The following PRELID2 variants were observed in gnomAD, a reference collection of about 807,000 sequenced individuals.
The protein encoded by PRELID2 is PRELI domain-containing protein 2.
In PRELID2, 25 loss-of-function variants were observed where a neutral mutation model predicts 28.4. That is an observed-to-expected ratio of 0.88 (90% CI 0.64 to 1.23). The LOEUF is 1.23. Among genes scored for constraint, PRELID2 ranks in the 50% most tolerant of loss-of-function variants. The probability of loss-of-function intolerance (pLI) is 0.00; values close to 1 mark genes in which losing one functional copy is unlikely to be tolerated. For missense variants in PRELID2, 201 were observed against 214.4 expected (o/e 0.94, Z 0.39); for synonymous variants, 76 against 71.6 (o/e 1.06, Z -0.31).
chr5:145,587,337 G>T (rs535688754), intron 1 of PRELID2, among the ~76,000 whole-genome samples: 2 of 152,208 alleles, frequency 1.3e-5, no homozygotes, highest in African/African-American at 4.8e-5. Flanking sequence ...TATCCTTTGT[G>T]GCAAAGCAGT....
At chr5:145,431,006 GTTTTTT>G in the PRELID2 span, among the ~76,000 whole-genome samples, 69 of 55,562 alleles carry the variant, frequency 1.2e-3, 1 homozygote, top group African/African-American at 4.0e-3. Context: ...CCTGGCAATG[GTTTTTT>G]TTTTTTTTTT....
intron 1 of PRELID2, among the ~76,000 whole-genome samples, chr5:145,491,628 G>A (rs980672122): frequency 5.3e-5 from 8 of 151,640 alleles, no homozygotes; most frequent in African/African-American, 1.2e-4. Context: ...TTATCATATT[G>A]TACAATAGAT....
chr5:145,823,832 G>A (rs771076576), intron 1 of PRELID2, among the ~76,000 whole-genome samples: 5 of 152,164 alleles, frequency 3.3e-5, no homozygotes, highest in Non-Finnish European at 5.9e-5. Context: ...CACTGCTTTT[G>A]TCGTAGGCAA....
chr5:145,351,637 C>T, the PRELID2 span, among the ~76,000 whole-genome samples: 1 of 152,132 alleles, frequency 6.6e-6, no homozygotes, highest in African/African-American at 2.4e-5. Context: ...AAAACACAAT[C>T]ATGCCTTTCC....
intron 1 of PRELID2, among the ~76,000 whole-genome samples, chr5:145,537,747 T>G (rs1752712002): frequency 6.6e-6 from 1 of 151,768 alleles, no homozygotes; most frequent in Non-Finnish European, 1.5e-5. Flanking sequence ...AACCCCTAGT[T>G]AGATGTATAG....
chr5:145,724,488 G>T (rs988317118), intron 1 of PRELID2, among the ~76,000 whole-genome samples: 3 of 149,620 alleles, frequency 2.0e-5, no homozygotes, highest in Admixed American at 6.7e-5. Flanking sequence ...CATAGATAAT[G>T]GATTAGATAA....
At chr5:145,675,309 TAATAA>T (rs71858927) in intron 1 of PRELID2, among the ~76,000 whole-genome samples, 4,567 of 152,172 alleles carry the variant, frequency 0.03, 208 homozygotes, top group African/African-American at 0.1. Context: ...ATCTTACTAA[TAATAA>T]AATAAATGCA....
intron 1 of PRELID2, among the ~76,000 whole-genome samples, chr5:145,584,615 G>C (rs563057152): frequency 2.1e-4 from 32 of 151,324 alleles, no homozygotes; most frequent in Non-Finnish European, 4.6e-4. Flanking sequence ...CCACTAAAAA[G>C]TGGGCAAAGG....
intron 1 of PRELID2, among the ~76,000 whole-genome samples, chr5:145,701,545 C>G (rs1004091543): frequency 4.6e-5 from 7 of 152,138 alleles, no homozygotes; most frequent in African/African-American, 1.7e-4. Flanking sequence ...AACAAATGAG[C>G]AAAGAGGTTG....
intron 1 of PRELID2, among the ~76,000 whole-genome samples, chr5:145,587,140 A>T (rs1387384504): frequency 6.6e-6 from 1 of 152,178 alleles, no homozygotes; most frequent in East Asian, 1.9e-4. Context: ...GCATCAAGCC[A>T]GGGAACATCT....
At chr5:145,404,131 G>C in the PRELID2 span, among the ~76,000 whole-genome samples, 1 of 152,262 alleles carries the variant, frequency 6.6e-6, no homozygotes, top group East Asian at 1.9e-4. Context: ...TAAATTAAGC[G>C]TAACATTCTC....
At chr5:145,710,000 TA>T (rs1156445153) in intron 1 of PRELID2, among the ~76,000 whole-genome samples, 2 of 152,198 alleles carry the variant, frequency 1.3e-5, no homozygotes, top group African/African-American at 4.8e-5. Context: ...TGGGGTTTTT[TA>T]AATTGCTTTT....
chr5:145,754,991 A>G (rs1305581707), downstream of PRELID2, among the ~76,000 whole-genome samples: 2 of 152,184 alleles, frequency 1.3e-5, no homozygotes, highest in African/African-American at 4.8e-5. Context: ...AAATCATTGC[A>G]CCCAGATCAG....
At chr5:145,657,450 C>G (rs573750013) in intron 1 of PRELID2, among the ~76,000 whole-genome samples, 1 of 152,260 alleles carries the variant, frequency 6.6e-6, no homozygotes, top group Non-Finnish European at 1.5e-5. Flanking sequence ...CTTTGGGAGG[C>G]TGAGGCGGGC....
chr5:145,481,623 C>CAAAAAAAAAAAAAAAAAAAAAAAGAAA (rs1752160492), intron 1 of PRELID2, among the ~76,000 whole-genome samples: 1 of 41,862 alleles, frequency 2.4e-5, no homozygotes. Flanking sequence ...GCAAGGAAAT[C>CAAAAAAAAAAAAAAAAAAAAAAAGAAA]AAAAAAAAAA....
intron 1 of PRELID2, among the ~76,000 whole-genome samples, chr5:145,663,443 C>T (rs1754531252): frequency 6.6e-6 from 1 of 152,052 alleles, no homozygotes; most frequent in Non-Finnish European, 1.5e-5. Flanking sequence ...ATGGAAAAAG[C>T]CCAGTTTTGT....
the PRELID2 span, among the ~76,000 whole-genome samples, chr5:145,237,381 G>T: frequency 6.6e-6 from 1 of 152,176 alleles, no homozygotes; most frequent in African/African-American, 2.4e-5. Flanking sequence ...CTCAGGGTGG[G>T]ATAGCTATAT....
intron 5 of PRELID2, among the ~76,000 whole-genome samples, chr5:145,787,512 C>T (rs1490124212): frequency 6.6e-6 from 1 of 151,100 alleles, no homozygotes; most frequent in Non-Finnish European, 1.5e-5. Flanking sequence ...AAATGGCATG[C>T]TGTCTCAACA....
chr5:145,339,604 C>T, the PRELID2 span, among the ~76,000 whole-genome samples: 3 of 152,152 alleles, frequency 2.0e-5, no homozygotes, highest in East Asian at 1.9e-4. Context: ...GGGCCTTGGA[C>T]GACGTTGTTG....
Sources: gnomAD v4.1 joint callset for allele counts (sites outside exome capture counted in the v4.1 genomes callset) on GRCh38, gnomAD v4.1.1 for gene constraint, MANE v1.5 for transcripts, NCBI Gene and HGNC (gene_info 2026-07-23, HGNC 2026-07-21) for gene names.